The following NHS variants were observed in gnomAD, a reference collection of about 807,000 sequenced individuals.
The protein encoded by NHS is actin remodeling regulator NHS.
NHS carries 5 observed loss-of-function variants against 72.5 expected under a neutral mutation model. The observed-to-expected ratio is 0.07, with a 90% CI of 0.04 to 0.14. NHS has a LOEUF of 0.14. NHS is among the 10% of genes least tolerant of loss of function. The pLI, the probability that NHS is intolerant of heterozygous loss-of-function variation, is 1.00. For missense variants in NHS, 1,072 were observed against 1,355.7 expected, an observed-to-expected ratio of 0.79 and a Z score of 3.29; for synonymous variants, 464 against 547.7, an observed-to-expected ratio of 0.85 and a Z score of 2.13.
At chrX:17,694,051 C>G (rs889284040) in intron 3 of NHS, among the ~76,000 whole-genome samples, 1 of 111,721 alleles carries the variant, frequency 9.0e-6, no homozygotes, top group African/African-American at 3.3e-5. Flanking sequence ...AAATATAACC[C>G]TTTCTCATGA....
At chrX:17,568,993 A>T (rs1460547353) in intron 1 of NHS, among the ~76,000 whole-genome samples, 1 of 111,124 alleles carries the variant, frequency 9.0e-6, no homozygotes, top group East Asian at 2.8e-4. Context: ...AAGGACAGGA[A>T]CTCATCCTTT....
chrX:17,421,921 G>T lies in NHS; in HGVS notation c.565+45599G>T, dbSNP rs1227196334. 2.8e-5 allele frequency among the ~76,000 whole-genome samples: 3 copies of T among 108,690 alleles called. No homozygotes were observed. The South Asian group carries it at 1.2e-3, about 42-fold the overall frequency. 94.4% of individuals were successfully genotyped at this position (108,690 alleles called of 115,157 possible). A position where few individuals can be genotyped will look rare whatever the true frequency, so the allele number is the denominator to read the frequency against. On this transcript the variant is annotated intron_variant, in intron 1 of 8. Coordinates refer to ENST00000676302, the MANE Select transcript of NHS (RefSeq NM_001291867.2). Reference sequence around the variant, plus strand: ...TAATGTTTTCCTTTTCAAAAAATGAGATATAACTGACATACAGTAATGTGA... The same window carrying T: ...TAATGTTTTCCTTTTCAAAAAATGATATATAACTGACATACAGTAATGTGA...
intron 1 of NHS, among the ~76,000 whole-genome samples, chrX:17,466,769 T>G (rs1388401772): frequency 8.9e-6 from 1 of 111,844 alleles, no homozygotes; most frequent in Admixed American, 9.5e-5. Flanking sequence ...AATGCACATA[T>G]CCAACTTTTA....
intron 1 of NHS, among the ~76,000 whole-genome samples, chrX:17,648,548 C>T (rs1257149887): frequency 8.9e-6 from 1 of 112,171 alleles, no homozygotes; most frequent in African/African-American, 3.2e-5. Flanking sequence ...TGAAATCTAC[C>T]GTAATAACGA....
At chrX:17,632,261 G>A (rs983162783) in intron 1 of NHS, among the ~76,000 whole-genome samples, 31 of 111,673 alleles carry the variant, frequency 2.8e-4, no homozygotes, top group Non-Finnish European at 5.6e-4. Context: ...GACTGAATGA[G>A]TTGGTGAAGT....
Position 17,457,379 on chromosome X carries a change from G to A in NHS, c.565+81057G>A, listed in dbSNP as rs188024725. Among the ~76,000 whole-genome samples, 30 of 111,606 alleles carry A rather than the reference G, an allele frequency of 2.7e-4. No individual in the cohort carries two copies. The East Asian group carries it at 8.6e-3, about 32-fold the overall frequency. ...GGTAAGCTTCTACTCGTAGTGGAAG[G>A]TGAAGGGAGTCACCTGGCATCACAT... On this transcript the variant is annotated intron_variant, in intron 1 of 8. Coordinates refer to ENST00000676302, the MANE Select transcript of NHS (RefSeq NM_001291867.2).
chrX:17,722,397 C>T (rs2066411753), intron 5 of NHS, among the ~76,000 whole-genome samples: 1 of 111,946 alleles, frequency 8.9e-6, no homozygotes, highest in African/African-American at 3.2e-5. Flanking sequence ...CTAATAGTTA[C>T]ATTTTAACTT....
At chrX:17,478,366 G>A (rs1299265072) in intron 1 of NHS, among the ~76,000 whole-genome samples, 1 of 112,090 alleles carries the variant, frequency 8.9e-6, no homozygotes, top group Non-Finnish European at 1.9e-5. Context: ...GATGAATTCT[G>A]TGCCAGTTGT....
chrX:17,589,463 T>A (rs1406526511), intron 1 of NHS, among the ~76,000 whole-genome samples: 2 of 112,187 alleles, frequency 1.8e-5, no homozygotes, highest in Non-Finnish European at 3.8e-5. Context: ...TAGTCTCCAA[T>A]CTCATCCAGG....
At chrX:17,485,799 A>G (rs1196463667) in intron 1 of NHS, among the ~76,000 whole-genome samples, 2 of 111,792 alleles carry the variant, frequency 1.8e-5, no homozygotes, top group African/African-American at 6.5e-5. Flanking sequence ...TTGAGCAAAA[A>G]CATGGCAGCG....
intron 1 of NHS, among the ~76,000 whole-genome samples, chrX:17,513,730 C>T (rs2065102632): frequency 8.9e-6 from 1 of 112,036 alleles, no homozygotes; most frequent in African/African-American, 3.2e-5. Flanking sequence ...TTGACAATGT[C>T]TGGAAATGTA....
chrX:17,713,753 A>G (rs1295383596), intron 3 of NHS, among the ~76,000 whole-genome samples: 1 of 112,123 alleles, frequency 8.9e-6, no homozygotes, highest in Non-Finnish European at 1.9e-5. Flanking sequence ...GTTCATAGCC[A>G]CGAAAGGGGA....
intron 1 of NHS, among the ~76,000 whole-genome samples, chrX:17,405,868 CAGTT>C (rs2064526979): frequency 8.9e-6 from 1 of 112,206 alleles, no homozygotes; most frequent in Admixed American, 9.4e-5. Context: ...CTCTGTTTCA[CAGTT>C]AGAGCATCCC....
chrX:17,536,817 C>T (rs780032438), intron 1 of NHS, among the ~76,000 whole-genome samples: 4 of 112,229 alleles, frequency 3.6e-5, no homozygotes, highest in South Asian at 3.7e-4. Context: ...TGTTCTTGTT[C>T]GTTGCATGAA....
At chrX:17,429,941 C>T (rs1298392184) in intron 1 of NHS, among the ~76,000 whole-genome samples, 4 of 111,717 alleles carry the variant, frequency 3.6e-5, no homozygotes, top group Non-Finnish European at 5.6e-5. Context: ...TGCAGCTTGA[C>T]CTACAGCACT....
At chrX:17,438,053 G>T (rs1193156224) in intron 1 of NHS, among the ~76,000 whole-genome samples, 1 of 112,353 alleles carries the variant, frequency 8.9e-6, no homozygotes, top group Non-Finnish European at 1.9e-5. Flanking sequence ...GTAGTGACAC[G>T]TGGAGAATTG....
At chrX:17,451,071 AAG>A (rs1303082454) in intron 1 of NHS, among the ~76,000 whole-genome samples, 1 of 112,110 alleles carries the variant, frequency 8.9e-6, no homozygotes, top group African/African-American at 3.2e-5. Context: ...GTACAACAAA[AAG>A]AATGTACAAT....
rs190894979 is a variant in NHS, at chrX:17,558,512, G to A, written c.566-129230G>A. 2.0e-4 allele frequency among the ~76,000 whole-genome samples: 23 copies of A among 112,381 alleles called. No individual in the cohort carries two copies. The East Asian group carries it at 5.6e-3, about 27-fold the overall frequency. On this transcript the variant is annotated intron_variant, in intron 1 of 8. Transcript: ENST00000676302. ...AGAAGGCATTGTGGAACAGTAAGACGTACATGGGCTTCGTAGCCACAGAGC... is the reference window on the plus strand; with the variant it reads ...AGAAGGCATTGTGGAACAGTAAGACATACATGGGCTTCGTAGCCACAGAGC...
chrX:17,615,090 GTGTATATATATA>G lies in NHS; in HGVS notation c.566-72638_566-72627del, dbSNP rs1189785213. 1.8e-3 allele frequency among the ~76,000 whole-genome samples: 172 copies of G among 95,977 alleles called. 1 individual carries two copies. Among genetic ancestry groups the G allele is most frequent in the African/African-American group, 6.2e-3 (162 of 26,016 alleles). 83.3% of individuals were successfully genotyped at this position (95,977 alleles called of 115,157 possible). A position where few individuals can be genotyped will look rare whatever the true frequency, so the allele number is the denominator to read the frequency against. On this transcript the variant is annotated intron_variant, in intron 1 of 8. Coordinates refer to ENST00000676302, the MANE Select transcript of NHS (RefSeq NM_001291867.2). ...CATTCATACATATATATATATATGT[GTGTATATATATA>G]TGTATATATATATATACACACATAT...
Sources: gnomAD v4.1 joint callset for allele counts (sites outside exome capture counted in the v4.1 genomes callset) on GRCh38, gnomAD v4.1.1 for gene constraint, MANE v1.5 for transcripts, NCBI Gene and HGNC (gene_info 2026-07-23, HGNC 2026-07-21) for gene names.